The following IL1RAPL1 variants were observed in gnomAD, a reference collection of about 807,000 sequenced individuals.
IL1RAPL1 encodes the protein interleukin 1 receptor accessory protein like 1.
In IL1RAPL1, 3 loss-of-function variants were observed where a neutral mutation model predicts 48.4. That is an observed-to-expected ratio of 0.06 (90% CI 0.03 to 0.16). The LOEUF is 0.16. IL1RAPL1 is among the 10% of genes least tolerant of loss of function. The pLI is 1.00. For synonymous variants in IL1RAPL1, 185 were observed against 187.7 expected, an observed-to-expected ratio of 0.99 and a Z score of 0.12; for missense variants, 349 against 530.6, an observed-to-expected ratio of 0.66 and a Z score of 3.36.
At chrX:28,719,799 G>A (rs928612838) in intron 1 of IL1RAPL1, among the ~76,000 whole-genome samples, 3 of 111,095 alleles carry the variant, frequency 2.7e-5, no homozygotes, top group Admixed American at 9.7e-5. Flanking sequence ...GCAGATTAAA[G>A]GTCAGGACAG....
intron 2 of IL1RAPL1, among the ~76,000 whole-genome samples, chrX:28,833,524 G>T (rs1211057162): frequency 1.8e-5 from 2 of 111,610 alleles, no homozygotes; most frequent in African/African-American, 6.5e-5. Context: ...ATTCTGACTG[G>T]TGTGAGATGG....
At chrX:29,212,734 G>A (rs186574831) in intron 2 of IL1RAPL1, among the ~76,000 whole-genome samples, 205 of 112,513 alleles carry the variant, frequency 1.8e-3, no homozygotes, top group African/African-American at 6.4e-3. Context: ...TTGCAATAAA[G>A]TATGTTAGAG....
Position 28,632,258 on chromosome X carries a change from A to G in IL1RAPL1, c.-25+44211A>G, listed in dbSNP as rs754435517. Among the ~76,000 whole-genome samples the G allele has an allele frequency of 1.7e-4, 19 of 111,291 alleles. No homozygotes were observed. The Admixed American group carries it at 1.8e-3, about 11-fold the overall frequency. ...ATCTGCCTTCTCACTGTGTCTTTAT[A>G]TGATCTTTACTGTGTGTGTGCATCC... On this transcript the variant is annotated intron_variant, in intron 1 of 10. Transcript: ENST00000378993.
At chrX:28,760,077 A>T (rs968438650) in intron 1 of IL1RAPL1, among the ~76,000 whole-genome samples, 1 of 111,682 alleles carries the variant, frequency 9.0e-6, no homozygotes, top group African/African-American at 3.2e-5. Flanking sequence ...CTTTGTCGAC[A>T]TGTAGAATGT....
intron 5 of IL1RAPL1, among the ~76,000 whole-genome samples, chrX:29,449,776 C>CAGAG (rs773898620): frequency 0.054 from 2,431 of 44,755 alleles, 114 homozygotes; most frequent in African/African-American, 0.25. Context: ...CACACACACA[C>CAGAG]ACACAGAGAG....
At chrX:28,761,133 G>T (rs998375102) in intron 1 of IL1RAPL1, among the ~76,000 whole-genome samples, 1 of 109,934 alleles carries the variant, frequency 9.1e-6, no homozygotes, top group Non-Finnish European at 1.9e-5. Flanking sequence ...TGAGGCTGTG[G>T]GGAAAAGAGA....
At chrX:28,967,969 G>A (rs1048698513) in intron 2 of IL1RAPL1, among the ~76,000 whole-genome samples, 4 of 111,772 alleles carry the variant, frequency 3.6e-5, no homozygotes, top group African/African-American at 1.3e-4. Flanking sequence ...TCCCTGTAGT[G>A]TGTCTCTTTT....
At chrX:29,673,529 C>T (rs919501476) in intron 6 of IL1RAPL1, among the ~76,000 whole-genome samples, 18 of 111,344 alleles carry the variant, frequency 1.6e-4, no homozygotes, top group African/African-American at 4.6e-4. Context: ...ATTAAAAAAC[C>T]GTAAAACTTC....
At chrX:29,205,769 C>G (rs1930653082) in intron 2 of IL1RAPL1, among the ~76,000 whole-genome samples, 2 of 109,817 alleles carry the variant, frequency 1.8e-5, no homozygotes, top group Non-Finnish European at 3.8e-5. Flanking sequence ...GAGTCTCACT[C>G]TGTCGCCCAG....
chrX:28,860,463 C>CT (rs760928051), intron 2 of IL1RAPL1, among the ~76,000 whole-genome samples: 1,311 of 99,145 alleles, frequency 0.013, 22 homozygotes, highest in African/African-American at 0.034. Flanking sequence ...ATTTTCTTTT[C>CT]TTTTTTTTTT....
intron 5 of IL1RAPL1, among the ~76,000 whole-genome samples, chrX:29,409,886 G>A (rs1004374160): frequency 8.1e-5 from 8 of 98,847 alleles, no homozygotes; most frequent in Admixed American, 3.7e-4. Context: ...ACAATGGCAC[G>A]ATATCGGCTC....
intron 1 of IL1RAPL1, among the ~76,000 whole-genome samples, chrX:28,711,726 T>C (rs1935443059): frequency 9.4e-6 from 1 of 105,846 alleles, no homozygotes; most frequent in Admixed American, 1.0e-4. Context: ...ACTGTATTTT[T>C]AATAATAAAT....
chrX:28,894,704 T>C (rs1340678050), intron 2 of IL1RAPL1, among the ~76,000 whole-genome samples: 2 of 110,868 alleles, frequency 1.8e-5, no homozygotes, highest in African/African-American at 6.6e-5. Flanking sequence ...TGGCAGCCGC[T>C]GCACGCAGAC....
At chrX:29,050,191 C>T (rs1927062418) in intron 2 of IL1RAPL1, among the ~76,000 whole-genome samples, 1 of 111,941 alleles carries the variant, frequency 8.9e-6, no homozygotes, top group Non-Finnish European at 1.9e-5. Context: ...CAACTATAGG[C>T]ATACACCACA....
At chrX:29,803,338 T>TATGTATATGTGTATACATATACACAC in intron 6 of IL1RAPL1, among the ~76,000 whole-genome samples, 2 of 59,375 alleles carry the variant, frequency 3.4e-5, no homozygotes, top group Non-Finnish European at 5.9e-5. Flanking sequence ...TGTATACACA[T>TATGTATATGTGTATACATATACACAC]ATGTATATAT....
At chrX:28,935,890 G>A (rs1924003934) in intron 2 of IL1RAPL1, among the ~76,000 whole-genome samples, 1 of 111,846 alleles carries the variant, frequency 8.9e-6, no homozygotes, top group Non-Finnish European at 1.9e-5. Context: ...GTTCAGCAGA[G>A]CCAAAGATGA....
intron 2 of IL1RAPL1, among the ~76,000 whole-genome samples, chrX:28,968,535 G>A (rs1473426051): frequency 8.9e-6 from 1 of 111,963 alleles, no homozygotes; most frequent in Non-Finnish European, 1.9e-5. Flanking sequence ...CTACTTTGAG[G>A]AAAACATTAG....
At chrX:29,782,725 A>T (rs1007570216) in intron 6 of IL1RAPL1, among the ~76,000 whole-genome samples, 5 of 109,540 alleles carry the variant, frequency 4.6e-5, no homozygotes, top group African/African-American at 6.6e-5. Context: ...CTAGCAAAGG[A>T]TATAGGAAAA....
rs1268555235 is a variant in IL1RAPL1, at chrX:29,314,345, C to T, written c.362+31128C>T. 5.4e-5 allele frequency among the ~76,000 whole-genome samples: 6 copies of T among 111,812 alleles called. No individual in the cohort carries two copies. In the Admixed American group the frequency reaches 5.7e-4, roughly 11 times the overall value. On this transcript the variant is annotated intron_variant, in intron 3 of 10. Transcript: ENST00000378993. ...CAAGAATTGGTGGACCCAGTGAGTC[C>T]AGGTTCTTAGAATAAGTCTTGATGA... is the stretch of plus-strand genomic sequence containing the variant.
Sources: allele counts gnomAD v4.1 joint callset (sites outside exome capture counted in the v4.1 genomes callset), GRCh38; gene constraint gnomAD v4.1.1; transcripts MANE v1.5; gene names NCBI Gene and HGNC (gene_info 2026-07-23, HGNC 2026-07-21).